Variants in NRG3 observed in about 807,000 individuals in gnomAD.
NRG3 encodes the protein pro-neuregulin-3, membrane-bound isoform.
NRG3 carries 31 observed loss-of-function variants against 66.9 expected under a neutral mutation model. The ratio of observed to expected loss-of-function variants is 0.46; its 90% CI spans 0.35 to 0.63. NRG3 has a LOEUF of 0.63. Among genes scored for constraint, NRG3 ranks in the 20% least tolerant of loss-of-function variants. The pLI is 0.00. For missense variants in NRG3, 910 were observed against 878.9 expected, an observed-to-expected ratio of 1.04 and a Z score of -0.45; for synonymous variants, 393 against 359.4, an observed-to-expected ratio of 1.09 and a Z score of -1.06.
At chr10:82,544,367 T>C (rs1235315516) in intron 2 of NRG3, among the ~76,000 whole-genome samples, 1 of 152,208 alleles carries the variant, frequency 6.6e-6, no homozygotes, top group Non-Finnish European at 1.5e-5. Flanking sequence ...TTTCAGGCTG[T>C]GGTAATGCAG....
chr10:82,344,065 CTT>C (rs143442963), intron 1 of NRG3, among the ~76,000 whole-genome samples: 2 of 147,942 alleles, frequency 1.4e-5, no homozygotes, highest in Admixed American at 6.7e-5. Flanking sequence ...TTTTTTCTTT[CTT>C]TTTTTTTTAT....
chr10:82,145,189 G>A (rs371757694), intron 1 of NRG3, among the ~76,000 whole-genome samples: 99 of 152,250 alleles, frequency 6.5e-4, no homozygotes, highest in Middle Eastern at 6.8e-3. Flanking sequence ...CTAGAACTCG[G>A]TATGGTGTAT....
chr10:82,391,759 G>T (rs3740350), intron 2 of NRG3, among the ~76,000 whole-genome samples: 62,035 of 151,486 alleles, frequency 0.41, 15,739 homozygotes, highest in African/African-American at 0.72. Context: ...GCTTTTGTGT[G>T]TTTTTTAGTC....
chr10:82,833,046 C>A (rs943044885), intron 3 of NRG3, among the ~76,000 whole-genome samples: 1 of 152,060 alleles, frequency 6.6e-6, no homozygotes, highest in Non-Finnish European at 1.5e-5. Flanking sequence ...TTCATTAGAA[C>A]GCTCTGGTAG....
intron 1 of NRG3, among the ~76,000 whole-genome samples, chr10:82,280,300 C>T (rs2079061572): frequency 6.6e-6 from 1 of 152,132 alleles, no homozygotes; most frequent in Admixed American, 6.5e-5. Flanking sequence ...CAGGTGGGTT[C>T]CCTTAGGCTC....
chr10:82,150,037 A>T (rs777326994), intron 1 of NRG3, among the ~76,000 whole-genome samples: 1 of 151,878 alleles, frequency 6.6e-6, no homozygotes, highest in African/African-American at 2.4e-5. Flanking sequence ...TTCAGGGGGG[A>T]GTGCACCCAT....
chr10:82,615,856 GCA>G (rs922463214), intron 2 of NRG3, among the ~76,000 whole-genome samples: 2 of 152,090 alleles, frequency 1.3e-5, no homozygotes, highest in Non-Finnish European at 2.9e-5. Flanking sequence ...AAACAGACAA[GCA>G]CACGATAATT....
intron 1 of NRG3, among the ~76,000 whole-genome samples, chr10:82,187,859 C>T (rs2073899912): frequency 6.6e-6 from 1 of 151,914 alleles, no homozygotes; most frequent in South Asian, 2.1e-4. Flanking sequence ...AGAAGAAGCT[C>T]ATCTAGAATA....
intron 1 of NRG3, among the ~76,000 whole-genome samples, chr10:82,347,148 A>T (rs1342622861): frequency 1.4e-5 from 2 of 147,006 alleles, no homozygotes; most frequent in Non-Finnish European, 3.0e-5. Flanking sequence ...AGTTCTTTTA[A>T]TTGTGATGTT....
At chr10:82,898,502 G>A (rs1222603896) in intron 4 of NRG3, among the ~76,000 whole-genome samples, 1 of 152,068 alleles carries the variant, frequency 6.6e-6, no homozygotes, top group Non-Finnish European at 1.5e-5. Context: ...AAAGTAGATG[G>A]TGTGCCACAG....
intron 3 of NRG3, among the ~76,000 whole-genome samples, chr10:82,782,112 A>G (rs899724832): frequency 1.4e-4 from 22 of 152,136 alleles, no homozygotes; most frequent in Non-Finnish European, 2.2e-4. Flanking sequence ...CTTCTTCAGT[A>G]CTATGGTTTG....
chr10:82,332,834 C>T (rs1332831640), intron 1 of NRG3, among the ~76,000 whole-genome samples: 1 of 152,092 alleles, frequency 6.6e-6, no homozygotes, highest in Non-Finnish European at 1.5e-5. Flanking sequence ...AAATGATCTG[C>T]CAAATCCAAT....
chr10:82,752,830 A>T (rs1019791665), intron 3 of NRG3, among the ~76,000 whole-genome samples: 1 of 152,158 alleles, frequency 6.6e-6, no homozygotes, highest in Admixed American at 6.6e-5. Context: ...CAGCACTTTG[A>T]TCTTGGACTT....
intron 3 of NRG3, among the ~76,000 whole-genome samples, chr10:82,860,123 C>A (rs559179889): frequency 1.3e-5 from 2 of 152,288 alleles, no homozygotes; most frequent in East Asian, 3.9e-4. Context: ...ATAACTTCAA[C>A]TAGGCCAGCC....
intron 1 of NRG3, among the ~76,000 whole-genome samples, chr10:82,175,923 T>C (rs2073001447): frequency 6.6e-6 from 1 of 152,238 alleles, no homozygotes; most frequent in South Asian, 2.1e-4. Context: ...ATTGTTCCTG[T>C]TTTCCTAGTG....
chr10:82,574,318 A>G (rs909218931), intron 2 of NRG3, among the ~76,000 whole-genome samples: 1 of 151,792 alleles, frequency 6.6e-6, no homozygotes, highest in African/African-American at 2.4e-5. Context: ...TCTCTCTTAT[A>G]TGTGGGAGCT....
At chr10:82,149,537 A>G (rs1386415883) in intron 1 of NRG3, among the ~76,000 whole-genome samples, 1 of 152,146 alleles carries the variant, frequency 6.6e-6, no homozygotes, top group African/African-American at 2.4e-5. Flanking sequence ...TCTTGGATGT[A>G]GAAAAATCAA....
chr10:82,556,501 C>T (rs1449348451), intron 2 of NRG3, among the ~76,000 whole-genome samples: 3 of 152,040 alleles, frequency 2.0e-5, no homozygotes, highest in Non-Finnish European at 2.9e-5. Context: ...CATTGGCTGG[C>T]GGCAGCCCTC....
At chr10:82,383,773 G>A (rs1267637523) in intron 2 of NRG3, among the ~76,000 whole-genome samples, 1 of 151,862 alleles carries the variant, frequency 6.6e-6, no homozygotes, top group Non-Finnish European at 1.5e-5. Flanking sequence ...TAAATTTACT[G>A]ATTTTAGAAT....
Sources: allele counts gnomAD v4.1 joint callset (sites outside exome capture counted in the v4.1 genomes callset), GRCh38; gene constraint gnomAD v4.1.1; transcripts MANE v1.5; gene names NCBI Gene and HGNC (gene_info 2026-07-23, HGNC 2026-07-21).